GFI1: variants seen among roughly 807,000 people sequenced by gnomAD.
The protein encoded by GFI1 is zinc finger protein Gfi-1.
A neutral mutation model predicts 39.2 loss-of-function variants in GFI1; 15 were observed. The ratio of observed to expected loss-of-function variants is 0.38; its 90% CI spans 0.26 to 0.59. GFI1 has a LOEUF of 0.59. Among genes scored for constraint, GFI1 ranks in the 20% least tolerant of loss-of-function variants. The pLI is 0.62. For synonymous variants in GFI1, 239 were observed against 254.3 expected, an observed-to-expected ratio of 0.94 and a Z score of 0.57; for missense variants, 475 against 574.0, an observed-to-expected ratio of 0.83 and a Z score of 1.76.
At position 92,483,247 on chromosome 1, in the gene GFI1, G is replaced by C. The variant is rs1029230188; in HGVS notation, c.115+126C>G. The stretch of plus-strand genomic sequence containing the variant: ...AGACAAACCCGGAGGAACCAGGACA[G>C]TAGGAAACAAAAACAGCAGCAAAAG... On this transcript the variant is annotated intron_variant, in intron 2 of 6. Coordinates refer to ENST00000294702, the MANE Select transcript of GFI1 (RefSeq NM_005263.5). 62 of 746,860 alleles carry C rather than the reference G, an allele frequency of 8.3e-5. 2 individuals carry two copies. The highest frequency in any genetic ancestry group is 8.2e-4 in the South Asian group (52 of 63,786). 46.3% of individuals were successfully genotyped at this position (746,860 alleles called of 1,614,324 possible). A position where few individuals can be genotyped will look rare whatever the true frequency, so the allele number is the denominator to read the frequency against.
rs748490689 is a variant in GFI1, at chr1:92,480,623, T to A, written c.764A>T (p.Tyr255Phe). The A allele has an allele frequency of 1.3e-5, 20 of 1,571,992 alleles. No individual in the cohort carries two copies. The highest frequency in any genetic ancestry group is 1.7e-5 in the Non-Finnish European group (20 of 1,164,504). The change falls in exon 4 of 7, where the codon TAC becomes TTC. Residue 255 changes from tyrosine (Y) to phenylalanine (F), a missense_variant. By Grantham distance (22) the Tyr-to-Phe change is conservative (BLOSUM62 3). Transcript: ENST00000294702. This position sits in a 1 kb window ranked among gnomAD's most constrained non-coding sequence, Gnocchi z 5.6. ...CTRLLLGGGS[Y>F]KCIKCSKVFS... ...CACCTTGCTGCACTTGATGCACTTGTAGGAGCCGCCGCCCAGCAGCAGGCG... is the reference window on the plus strand; with the variant it reads ...CACCTTGCTGCACTTGATGCACTTGAAGGAGCCGCCGCCCAGCAGCAGGCG...
rs142561847 is a variant in GFI1 at position 92,476,056 on chromosome 1, G to A, written c.1242C>T (p.His414=). The A allele has an allele frequency of 2.9e-4, 464 of 1,614,038 alleles. 1 individual carries two copies. The highest frequency in any genetic ancestry group is 3.6e-4 in the Non-Finnish European group (423 of 1,180,030). The change falls in exon 7 of 7, where the codon CAC becomes CAT. Residue 414 remains histidine (H), a synonymous_variant. Coordinates refer to ENST00000294702, the MANE Select transcript of GFI1 (RefSeq NM_005263.5). ...GFQRKVDLRR[H]RETQHGLK ...ATTTGAGCCCATGCTGCGTCTCCCG[G>A]TGCCTTCGGAGGTCCACCTTCCTCT...
At position 92,475,168 on chromosome 1, in the gene GFI1, T is replaced by C. The variant is rs2101550932; in HGVS notation, c.*861A>G. The C allele has an allele frequency of 6.6e-6, 1 of 152,320 alleles. No individual in the cohort carries two copies. The highest frequency in any genetic ancestry group is 1.9e-4 in the East Asian group (1 of 5,178). The allele number at this position is 152,320 out of a possible 1,614,324, so 9.4% of individuals were successfully genotyped here. A position where few individuals can be genotyped will look rare whatever the true frequency, so the allele number is the denominator to read the frequency against. Reference sequence around the variant, plus strand: ...GCAACCGTTAGCTTTTGAGGAGCAGTCAGGGGTTGTGACTTCAGTCTCTCT... The same window carrying C: ...GCAACCGTTAGCTTTTGAGGAGCAGCCAGGGGTTGTGACTTCAGTCTCTCT... On this transcript the variant is annotated 3_prime_UTR_variant, in exon 7 of 7. Coordinates refer to ENST00000294702, the MANE Select transcript of GFI1 (RefSeq NM_005263.5).
intron 5 of GFI1, 135 bp from the exon 6 acceptor site, chr1:92,478,888 A>G: frequency 8.4e-7 from 1 of 1,189,862 alleles, no homozygotes; most frequent in Non-Finnish European, 1.2e-6. Flanking sequence ...TCTTTTTTTG[A>G]GACAGTCTCC....
Position 92,484,850 on chromosome 1 carries a change from G to A in GFI1, c.-99-1264C>T, listed in dbSNP as rs1658452143. Among the ~76,000 whole-genome samples the A allele has an allele frequency of 6.6e-6, 1 of 152,224 alleles. No homozygotes were observed. Among genetic ancestry groups the A allele is most frequent in the African/African-American group, 2.4e-5 (1 of 41,466 alleles). ...GAGCTGCAGTACAGCAGTTCTCCGT[G>A]GCCTCGGCTGGTTCAGAAACGAGGG... On this transcript the variant is annotated intron_variant, in intron 1 of 6. Transcript: ENST00000294702. This position sits in a 1 kb window ranked among gnomAD's most constrained non-coding sequence, Gnocchi z 4.1.
At position 92,486,875 on chromosome 1, in the gene GFI1, T is replaced by C. The variant is rs941947618; in HGVS notation, c.-249A>G. On this transcript the variant is annotated 5_prime_UTR_variant, in exon 1 of 7. Coordinates refer to ENST00000294702, the MANE Select transcript of GFI1 (RefSeq NM_005263.5). The stretch of plus-strand genomic sequence containing the variant: ...CCCGGCGGGACCGGTGGGCGCACCC[T>C]CCCTGCGCGGAGCTCGCCGGCTCTC... 2 of 148,052 alleles carry C rather than the reference T, an allele frequency of 1.4e-5. No homozygotes were observed. Among genetic ancestry groups the C allele is most frequent in the African/African-American group, 4.9e-5 (2 of 40,590 alleles). 9.2% of individuals were successfully genotyped at this position (148,052 alleles called of 1,614,324 possible).
chr1:92,480,945 C>T lies in GFI1; in HGVS notation c.442G>A (p.Gly148Ser). The part of the protein sequence containing the change: ...SYRPCGALER[G>S]AGLGLFCEPA... ...TCGCAGAAGAGGCCCAGGCCAGCGCCACGCTCCAGGGCCCCACACGGTCGG... is the reference window on the plus strand; with the variant it reads ...TCGCAGAAGAGGCCCAGGCCAGCGCTACGCTCCAGGGCCCCACACGGTCGG... The change falls in exon 4 of 7, where the codon GGC (glycine) becomes AGC (serine). Residue 148 changes from glycine (G) to serine (S), a missense_variant. Coordinates refer to ENST00000294702, the MANE Select transcript of GFI1 (RefSeq NM_005263.5). This position sits in a 1 kb window ranked among gnomAD's most constrained non-coding sequence, Gnocchi z 5.6. The T allele has an allele frequency of 6.3e-7, 1 of 1,580,792 alleles. No homozygotes were observed. Among genetic ancestry groups the T allele is most frequent in the Non-Finnish European group, 8.6e-7 (1 of 1,164,502 alleles).
In GFI1 at chr1:92,483,391, G is replaced by T; in HGVS notation, c.97C>A (p.Pro33Thr). 1 of 1,608,076 alleles carries T rather than the reference G, an allele frequency of 6.2e-7. No homozygotes were observed. Among genetic ancestry groups the T allele is most frequent in the East Asian group, 2.2e-5 (1 of 44,826 alleles). The change falls in exon 2 of 7, where the codon CCG becomes ACG. Residue 33 changes from proline to threonine, a missense_variant. By Grantham distance (38) the Pro-to-Thr change is conservative. Transcript: ENST00000294702. ...PDYSLRLENV[P>T]APSRADSTSN... ...CTCGCACCTGCTCGGCTAGGCGCCG[G>T]TACATTCTCTAAACGGAGGGAATAG...
chr1:92,476,525 A>T (rs1657988409), intron 6 of GFI1, among the ~76,000 whole-genome samples: 1 of 151,846 alleles, frequency 6.6e-6, no homozygotes, highest in Admixed American at 6.6e-5. Flanking sequence ...CCCCGGGAGG[A>T]CTCCCCTGAC....
rs780907351 is a variant in GFI1 at position 92,482,857 on chromosome 1, T to C, written c.298+7A>G. ...TCCCGCCCAAGAGGTTCCCAGTGGGTTCCTACCTGGAGACGCGGAGGGTGA... is the reference window on the plus strand; with the variant it reads ...TCCCGCCCAAGAGGTTCCCAGTGGGCTCCTACCTGGAGACGCGGAGGGTGA... On this transcript the variant is annotated splice_region_variant and intron_variant, in intron 3 of 6. Transcript: ENST00000294702. The surrounding 1 kb of genome is among the most constrained non-coding windows in gnomAD (Gnocchi z 4.4). The C allele has an allele frequency of 3.1e-6, 5 of 1,612,378 alleles. No homozygotes were observed. The highest frequency in any genetic ancestry group is 3.3e-5 in the Admixed American group (2 of 60,022).
rs914650032 is a variant in GFI1 at position 92,474,561 on chromosome 1, G to A, written c.*1468C>T. 5.9e-5 allele frequency among the ~76,000 whole-genome samples: 9 copies of A among 152,164 alleles called. No individual in the cohort carries two copies. The highest frequency in any genetic ancestry group is 2.2e-4 in the African/African-American group (9 of 41,424). On this transcript the variant is annotated 3_prime_UTR_variant, in exon 7 of 7. Transcript: ENST00000294702. The stretch of plus-strand genomic sequence containing the variant: ...TCCTAGTTTTTCTCTTATGAAAGAA[G>A]ATGAAAGAAGTATCTCTGAGGTGTA...
At position 92,478,674 on chromosome 1, in the gene GFI1, G is replaced by A; in HGVS notation, c.1004C>T (p.Ser335Leu). 1.2e-6 allele frequency: 2 copies of A among 1,613,960 alleles called. No homozygotes were observed. Among genetic ancestry groups the A allele is most frequent in the South Asian group, 1.1e-5 (1 of 91,074 alleles). ...CTGACAGGGGTAGGGCCGAGTGTCT[G>A]AGTGGATAAGCAGGTGTGTGGACAG... ...STLSTHLLIH[S>L]DTRPYPCQYC... The change falls in exon 6 of 7, where the codon TCA becomes TTA. Residue 335 changes from serine (S) to leucine (L), a missense_variant. This residue lies in a region of GFI1 where 112 missense variants were observed against 202.8 expected (regional missense o/e 0.55). Transcript: ENST00000294702.
chr1:92,479,038 G>T (rs189177973), intron 5 of GFI1, among the ~76,000 whole-genome samples: 66 of 152,226 alleles, frequency 4.3e-4, no homozygotes, highest in Admixed American at 2.5e-3. Flanking sequence ...ACTAATTTTT[G>T]TATTTTTAGT....
chr1:92,481,721 T>TG lies in GFI1; in HGVS notation c.299-634dup, dbSNP rs1330409709. Among the ~76,000 whole-genome samples, 2 of 152,214 alleles carry TG rather than the reference T, an allele frequency of 1.3e-5. No homozygotes were observed. Among genetic ancestry groups the TG allele is most frequent in the African/African-American group, 4.8e-5 (2 of 41,442 alleles). Reference sequence around the variant, plus strand: ...AAAGGAGCAGCAGGAAAGGGGCTTTTGGGCTTAAATTGACAGCCAAATACT... The same window carrying TG: ...AAAGGAGCAGCAGGAAAGGGGCTTTTGGGGCTTAAATTGACAGCCAAATACT... On this transcript the variant is annotated intron_variant, in intron 3 of 6. Transcript: ENST00000294702. The surrounding 1 kb of genome is among the most constrained non-coding windows in gnomAD (Gnocchi z 4.3).
chr1:92,476,343 G>C (rs1018465614), intron 6 of GFI1, 136 bp from the exon 7 acceptor site: 3 of 783,232 alleles, frequency 3.8e-6, no homozygotes, highest in Non-Finnish European at 6.5e-6. Context: ...GGAGGGTGAC[G>C]TGTTGCAACC....
chr1:92,475,957 C>T lies in GFI1; in HGVS notation c.*72G>A. 7.2e-7 allele frequency: 1 copy of T among 1,397,178 alleles called. No homozygotes were observed. Among genetic ancestry groups the T allele is most frequent in the Non-Finnish European group, 1.0e-6 (1 of 996,044 alleles). The allele number at this position is 1,397,178 out of a possible 1,614,324, so 86.5% of individuals were successfully genotyped here. ...GAAGGGAGTGGAGGCAAGCAGGGAG[C>T]AGAGTGGTGGCAAGCAGGGAGGCTG... is the stretch of plus-strand genomic sequence containing the variant. On this transcript the variant is annotated 3_prime_UTR_variant, in exon 7 of 7. Coordinates refer to ENST00000294702, the MANE Select transcript of GFI1 (RefSeq NM_005263.5).
rs1400508691 is a variant in GFI1, at chr1:92,474,116, T to G, written c.*1913A>C. On this transcript the variant is annotated 3_prime_UTR_variant, in exon 7 of 7. Coordinates refer to ENST00000294702, the MANE Select transcript of GFI1 (RefSeq NM_005263.5). ...GTTTCATTCTCTTAAAGGATTGACT[T>G]ATGCAAAAAACTCCCACAGGTGGGA... Among the ~76,000 whole-genome samples, 5 of 152,188 alleles carry G rather than the reference T, an allele frequency of 3.3e-5. No individual in the cohort carries two copies. Among genetic ancestry groups the G allele is most frequent in the Non-Finnish European group, 7.3e-5 (5 of 68,040 alleles).
rs138252233 is a variant in GFI1 at position 92,477,911 on chromosome 1, G to A, written c.1090+677C>T. On this transcript the variant is annotated intron_variant, in intron 6 of 6. Transcript: ENST00000294702. ...AAAATACAATAAACAGTGGTCAAGA[G>A]TGAACATTTGAGAGGTCAGACCTGA... 4.1e-4 allele frequency among the ~76,000 whole-genome samples: 63 copies of A among 152,298 alleles called. No individual in the cohort carries two copies. In the East Asian group the frequency reaches 0.011, roughly 27 times the overall value.
rs747009263 is a variant in GFI1, at chr1:92,476,109, C to T, written c.1189G>A (p.Gly397Ser). 37 of 1,614,022 alleles carry T rather than the reference C, an allele frequency of 2.3e-5. No homozygotes were observed. Among genetic ancestry groups the T allele is most frequent in the East Asian group, 6.7e-5 (3 of 44,874 alleles). The change falls in exon 7 of 7, where the codon GGC becomes AGC. Residue 397 changes from glycine (G) to serine (S), a missense_variant. Physicochemically the swap from Gly to Ser is moderately conservative, Grantham distance 56. This residue lies in a region of GFI1 where 112 missense variants were observed against 202.8 expected (regional missense o/e 0.55). Coordinates refer to ENST00000294702, the MANE Select transcript of GFI1 (RefSeq NM_005263.5). Reference sequence around the variant, plus strand: ...AAACCCTTCCCACAGAGGTCGCAGCCGAAGGGCTTGAAGCCTGTGTGTTTG... The same window carrying T: ...AAACCCTTCCCACAGAGGTCGCAGCTGAAGGGCTTGAAGCCTGTGTGTTTG... ...SRKHTGFKPF[G>S]CDLCGKGFQR...
Sources: allele counts gnomAD v4.1 joint callset (sites outside exome capture counted in the v4.1 genomes callset), GRCh38; gene constraint gnomAD v4.1.1; regional missense constraint gnomAD v4.1.1; non-coding constraint Gnocchi (gnomAD v3.1); transcripts MANE v1.5; gene names NCBI Gene and HGNC (gene_info 2026-07-23, HGNC 2026-07-21).